ZBTB7C: variants seen among roughly 807,000 people sequenced by gnomAD.
ZBTB7C encodes the protein zinc finger and BTB domain containing 7C, also known as zinc finger and BTB domain-containing protein 7C.
A neutral mutation model predicts 25.7 loss-of-function variants in ZBTB7C; 8 were observed. The observed-to-expected ratio is 0.31, with a 90% confidence interval of 0.18 to 0.56. The LOEUF (loss-of-function observed/expected upper bound fraction) is 0.56, where lower values mean the gene tolerates loss of function less well. ZBTB7C is among the 20% of genes least tolerant of loss of function. The probability of loss-of-function intolerance (pLI) is 0.91; values close to 1 mark genes in which losing one functional copy is unlikely to be tolerated. For missense variants in ZBTB7C, 824 were observed against 855.2 expected, an observed-to-expected ratio of 0.96 and a Z score of 0.46; for synonymous variants, 394 against 369.0, an observed-to-expected ratio of 1.07 and a Z score of -0.78.
chr18:48,336,423 TTTTAC>T (rs2046459063), intron 2 of ZBTB7C, among the ~76,000 whole-genome samples: 4 of 152,184 alleles, frequency 2.6e-5, no homozygotes, highest in African/African-American at 4.8e-5. Flanking sequence ...GTGTTACATG[TTTTAC>T]TTTATTTCAT....
chr18:48,390,957 A>G (rs1222811573), intron 1 of ZBTB7C, among the ~76,000 whole-genome samples: 1 of 152,224 alleles, frequency 6.6e-6, no homozygotes, highest in South Asian at 2.1e-4. Context: ...AAAATGCATG[A>G]AGACAACTGC....
intron 2 of ZBTB7C, among the ~76,000 whole-genome samples, chr18:48,237,418 T>C (rs1195507120): frequency 6.6e-6 from 1 of 151,740 alleles, no homozygotes; most frequent in African/African-American, 2.4e-5. Flanking sequence ...CATAGAAGCA[T>C]CCAAAGGGAA....
chr18:48,354,404 T>TTG (rs1320160602), intron 1 of ZBTB7C, among the ~76,000 whole-genome samples: 1 of 152,134 alleles, frequency 6.6e-6, no homozygotes, highest in Non-Finnish European at 1.5e-5. Context: ...TAGTCTCCTG[T>TTG]TGGAGTCTTT....
chr18:48,216,397 C>T (rs540734330), intron 2 of ZBTB7C, among the ~76,000 whole-genome samples: 1 of 152,250 alleles, frequency 6.6e-6, no homozygotes, highest in Non-Finnish European at 1.5e-5. Context: ...GAGAGTGCTG[C>T]AGACACATTG....
chr18:48,357,350 G>GC (rs1170090305), intron 1 of ZBTB7C, among the ~76,000 whole-genome samples: 1 of 152,146 alleles, frequency 6.6e-6, no homozygotes, highest in Non-Finnish European at 1.5e-5. Context: ...GCTCAGCCAG[G>GC]CCCGGGAGAA....
At chr18:48,310,588 G>A (rs2144791309) in intron 2 of ZBTB7C, among the ~76,000 whole-genome samples, 1 of 152,248 alleles carries the variant, frequency 6.6e-6, no homozygotes, top group South Asian at 2.1e-4. Context: ...AGGATGGTGA[G>A]CAGCCTTATT....
chr18:48,377,155 A>AC (rs1276452548), intron 1 of ZBTB7C, among the ~76,000 whole-genome samples: 1 of 151,630 alleles, frequency 6.6e-6, no homozygotes, highest in East Asian at 1.9e-4. Flanking sequence ...ACCCCACTCC[A>AC]CCCCCCAACA....
At chr18:48,328,930 A>G (rs2046286204) in intron 2 of ZBTB7C, among the ~76,000 whole-genome samples, 1 of 152,240 alleles carries the variant, frequency 6.6e-6, no homozygotes, top group South Asian at 2.1e-4. Flanking sequence ...GTGTTCATTT[A>G]AAGATGAACC....
intron 2 of ZBTB7C, among the ~76,000 whole-genome samples, chr18:48,278,753 G>T (rs2144620488): frequency 6.6e-6 from 1 of 152,214 alleles, no homozygotes; most frequent in South Asian, 2.1e-4. Context: ...TGACCTATAT[G>T]ATCATGAGCA....
chr18:48,310,359 C>T (rs903019101), intron 2 of ZBTB7C, among the ~76,000 whole-genome samples: 4 of 151,628 alleles, frequency 2.6e-5, no homozygotes. Flanking sequence ...ATCCTTTCCG[C>T]GTTCCATTTT....
At chr18:48,303,741 A>G (rs2045599158) in intron 2 of ZBTB7C, among the ~76,000 whole-genome samples, 1 of 152,226 alleles carries the variant, frequency 6.6e-6, no homozygotes, top group Admixed American at 6.5e-5. Flanking sequence ...CCTTGACTCC[A>G]GGCTTAGCCC....
chr18:48,207,510 C>T (rs999114142), intron 2 of ZBTB7C, among the ~76,000 whole-genome samples: 1 of 152,204 alleles, frequency 6.6e-6, no homozygotes, highest in East Asian at 1.9e-4. Context: ...TAGTCTACAA[C>T]ATGAATAAAT....
intron 3 of ZBTB7C, among the ~76,000 whole-genome samples, chr18:48,105,929 C>A (rs1035710663): frequency 6.6e-6 from 1 of 152,364 alleles, no homozygotes; most frequent in African/African-American, 2.4e-5. Context: ...ATTAAGAATA[C>A]TGTCAGACTA....
rs573566393 is a variant in ZBTB7C at position 48,318,510 on chromosome 18, C to T, written c.-79+19664G>A. 1.1e-4 allele frequency among the ~76,000 whole-genome samples: 16 copies of T among 152,316 alleles called. No homozygotes were observed. The East Asian group carries it at 1.2e-3, about 11-fold the overall frequency. On this transcript the variant is annotated intron_variant, in intron 2 of 4. Coordinates refer to ENST00000590800, the MANE Select transcript of ZBTB7C (RefSeq NM_001318841.2). ...CCTTGAATCAGTGCTGGCATGGCGA[C>T]AGGCTGTTCCTCACACTAGGAGGGT... is the stretch of plus-strand genomic sequence containing the variant.
chr18:48,411,306 A>T (rs2048382668), upstream of ZBTB7C, among the ~76,000 whole-genome samples: 1 of 152,250 alleles, frequency 6.6e-6, no homozygotes, highest in South Asian at 2.1e-4. Flanking sequence ...AAACTATTCA[A>T]ATGCACATGT....
intron 3 of ZBTB7C, among the ~76,000 whole-genome samples, chr18:48,107,018 C>T (rs1381615792): frequency 4.0e-5 from 6 of 151,072 alleles, no homozygotes; most frequent in Admixed American, 1.3e-4. Context: ...AACCAGGAAA[C>T]GAGTGGAGGT....
At chr18:48,280,436 G>A (rs2044802824) in intron 2 of ZBTB7C, among the ~76,000 whole-genome samples, 1 of 152,036 alleles carries the variant, frequency 6.6e-6, no homozygotes, top group African/African-American at 2.4e-5. Context: ...AGCCTTCAAT[G>A]GCAATCCACC....
intron 3 of ZBTB7C, among the ~76,000 whole-genome samples, chr18:48,086,516 G>A (rs1290473527): frequency 6.6e-6 from 1 of 152,156 alleles, no homozygotes; most frequent in Non-Finnish European, 1.5e-5. Flanking sequence ...GCTCACACAA[G>A]CCTCTCTGTT....
intron 3 of ZBTB7C, among the ~76,000 whole-genome samples, chr18:48,074,464 T>A (rs1319010350): frequency 6.6e-6 from 1 of 152,232 alleles, no homozygotes; most frequent in African/African-American, 2.4e-5. Context: ...CAGTAGGTGC[T>A]CAGCAGACGA....
Sources: allele counts gnomAD v4.1 joint callset (sites outside exome capture counted in the v4.1 genomes callset), GRCh38; gene constraint gnomAD v4.1.1; transcripts MANE v1.5; gene names NCBI Gene and HGNC (gene_info 2026-07-23, HGNC 2026-07-21).